PCDH7: variants seen among roughly 807,000 people sequenced by gnomAD.
PCDH7 encodes protocadherin-7.
PCDH7 carries 17 observed loss-of-function variants against 58.9 expected under a neutral mutation model. The ratio of observed to expected loss-of-function variants is 0.29; its 90% CI spans 0.20 to 0.43. The LOEUF (loss-of-function observed/expected upper bound fraction) is 0.43. Ranked by LOEUF, PCDH7 falls within the 20% of genes least tolerant of loss-of-function variation. The pLI is 1.00. For synonymous variants in PCDH7, 664 were observed against 616.4 expected, an observed-to-expected ratio of 1.08 and a Z score of -1.14; for missense variants, 1,274 against 1,441.0, an observed-to-expected ratio of 0.88 and a Z score of 1.88.
intron 3 of PCDH7, among the ~76,000 whole-genome samples, chr4:31,066,498 G>A (rs766026170): frequency 1.3e-5 from 2 of 151,800 alleles, no homozygotes; most frequent in African/African-American, 2.4e-5. Flanking sequence ...ATTCAGATGG[G>A]AATTTAGTTT....
At chr4:31,117,117 A>G (rs1717092842) in intron 3 of PCDH7, among the ~76,000 whole-genome samples, 1 of 152,190 alleles carries the variant, frequency 6.6e-6, no homozygotes, top group South Asian at 2.1e-4. Context: ...CCTGACCTCA[A>G]GTGATCCACC....
intron 3 of PCDH7, among the ~76,000 whole-genome samples, chr4:31,108,449 G>C (rs544039821): frequency 7.3e-6 from 1 of 136,734 alleles, no homozygotes; most frequent in Admixed American, 7.8e-5. Flanking sequence ...CGGGGGAAAC[G>C]AGTGCCAAAA....
chr4:31,079,289 A>G (rs1759269118), intron 3 of PCDH7, among the ~76,000 whole-genome samples: 1 of 125,818 alleles, frequency 7.9e-6, no homozygotes, highest in South Asian at 2.7e-4. Flanking sequence ...AGTGTGTAAA[A>G]GATATTTACA....
chr4:31,024,165 T>C (rs1754243112), intron 3 of PCDH7, among the ~76,000 whole-genome samples: 1 of 152,206 alleles, frequency 6.6e-6, no homozygotes, highest in Non-Finnish European at 1.5e-5. Context: ...TAGAGAACTG[T>C]GGAGAATAAT....
intron 3 of PCDH7, among the ~76,000 whole-genome samples, chr4:31,002,595 A>G (rs1204453884): frequency 2.6e-5 from 4 of 152,238 alleles, no homozygotes; most frequent in Admixed American, 6.5e-5. Context: ...TAGAAAATGC[A>G]TTACTCGAGC....
rs1260920279 is a variant in PCDH7 at position 30,724,608 on chromosome 4, C to T, written c.3174+12C>T. ...AGTACAGCAAACAGGTAAGATGTAT[C>T]CCAAATATATTTAAATATCCCAGGG... On this transcript the variant is annotated intron_variant, in intron 1 of 1. Transcript: ENST00000361762. 6.2e-7 allele frequency: 1 copy of T among 1,610,704 alleles called. No homozygotes were observed. Among genetic ancestry groups the T allele is most frequent in the Non-Finnish European group, 8.5e-7 (1 of 1,177,634 alleles).
chr4:30,831,773 T>C (rs2109330988), intron 1 of PCDH7, among the ~76,000 whole-genome samples: 1 of 152,246 alleles, frequency 6.6e-6, no homozygotes, highest in African/African-American at 2.4e-5. Context: ...ATCTCATCTG[T>C]AAAATGGGCA....
chr4:30,970,937 A>G (rs1749533227), intron 3 of PCDH7, among the ~76,000 whole-genome samples: 1 of 152,228 alleles, frequency 6.6e-6, no homozygotes, highest in African/African-American at 2.4e-5. Context: ...CACAAATGAC[A>G]CTTTCAGCTC....
At chr4:30,853,896 A>G (rs1020292969) in intron 1 of PCDH7, among the ~76,000 whole-genome samples, 1 of 152,094 alleles carries the variant, frequency 6.6e-6, no homozygotes, top group African/African-American at 2.4e-5. Context: ...CTAAGAGACT[A>G]GCCTAATCAA....
chr4:31,075,391 C>A (rs953743193), intron 3 of PCDH7, among the ~76,000 whole-genome samples: 2 of 152,144 alleles, frequency 1.3e-5, no homozygotes, highest in African/African-American at 2.4e-5. Context: ...GCTACCTGAT[C>A]AGCTTAGACC....
intron 3 of PCDH7, among the ~76,000 whole-genome samples, chr4:31,072,079 C>CT (rs1758592223): frequency 1.3e-5 from 2 of 152,110 alleles, no homozygotes; most frequent in Non-Finnish European, 2.9e-5. Flanking sequence ...ACTCACATGG[C>CT]TGCACACTAG....
At chr4:31,089,567 AAAAAGAGTTT>A (rs1460047836) in intron 3 of PCDH7, among the ~76,000 whole-genome samples, 1 of 152,082 alleles carries the variant, frequency 6.6e-6, no homozygotes, top group Non-Finnish European at 1.5e-5. Flanking sequence ...ATAAAATATC[AAAAAGAGTTT>A]AAATCATAAC....
intron 1 of PCDH7, among the ~76,000 whole-genome samples, chr4:30,872,681 C>T (rs945091675): frequency 2.6e-4 from 39 of 152,032 alleles, no homozygotes; most frequent in Admixed American, 9.8e-4. Flanking sequence ...ATCCACACAA[C>T]GCCTAGCTCA....
chr4:30,723,570 TG>T lies in PCDH7; in HGVS notation c.2153del (p.Gly718GlufsTer15). ...ACACTTTCAGAGTCAAGGCTGTGGA[TG>T]GGGGAGATCCTCCCAGATCTGCCAC... is the stretch of plus-strand genomic sequence containing the variant. On this transcript the variant is annotated frameshift_variant, in exon 1 of 2. Coordinates refer to ENST00000361762, the Ensembl canonical transcript of PCDH7. LOFTEE classifies it high-confidence loss of function. This position sits in a 1 kb window ranked among gnomAD's most constrained non-coding sequence, Gnocchi z 4.6. 1 of 1,614,152 alleles carries T rather than the reference TG, an allele frequency of 6.2e-7. No homozygotes were observed. Among genetic ancestry groups the T allele is most frequent in the Non-Finnish European group, 8.5e-7 (1 of 1,180,010 alleles).
At chr4:31,025,154 AACTC>A (rs1194298994) in intron 3 of PCDH7, among the ~76,000 whole-genome samples, 1 of 152,204 alleles carries the variant, frequency 6.6e-6, no homozygotes, top group Non-Finnish European at 1.5e-5. Context: ...GGTGTAATGA[AACTC>A]ACAATTCTGT....
chr4:30,959,244 GTCT>G (rs1748154157), intron 3 of PCDH7, among the ~76,000 whole-genome samples: 1 of 142,614 alleles, frequency 7.0e-6, no homozygotes, highest in Non-Finnish European at 1.6e-5. Flanking sequence ...CAATTGGAAA[GTCT>G]TTTTTTTTTT....
chr4:30,722,762 T>G lies in PCDH7; in HGVS notation c.1340T>G (p.Val447Gly). ...GACACCCCCATCGCTCTGGTGCAGG[T>G]GTCCGACCGAGACCAAGGCGAGAAC... Residue 447 changes from valine to glycine, a missense_variant, in exon 1 of 2, where the codon GTG becomes GGG. Physicochemically the swap from Val to Gly is moderately radical, Grantham distance 109. Transcript: ENST00000361762. This position sits in a 1 kb window ranked among gnomAD's most constrained non-coding sequence, Gnocchi z 7.6. The G allele has an allele frequency of 6.2e-7, 1 of 1,613,490 alleles. No homozygotes were observed. Among genetic ancestry groups the G allele is most frequent in the Non-Finnish European group, 8.5e-7 (1 of 1,180,022 alleles).
intron 1 of PCDH7, among the ~76,000 whole-genome samples, chr4:30,828,061 T>G (rs1729319744): frequency 6.6e-6 from 1 of 152,102 alleles, no homozygotes. Flanking sequence ...TTCATATGGT[T>G]GTTGGACAAA....
chr4:31,024,875 T>C (rs1754301665), intron 3 of PCDH7, among the ~76,000 whole-genome samples: 1 of 152,140 alleles, frequency 6.6e-6, no homozygotes, highest in South Asian at 2.1e-4. Context: ...CTGGAGTATC[T>C]GGGACTACAG....
Sources: allele counts gnomAD v4.1 joint callset (sites outside exome capture counted in the v4.1 genomes callset), GRCh38; gene constraint gnomAD v4.1.1; non-coding constraint Gnocchi (gnomAD v3.1); transcripts MANE v1.5; gene names NCBI Gene and HGNC (gene_info 2026-07-23, HGNC 2026-07-21).